The following MSI2 variants were observed in gnomAD, a reference collection of about 807,000 sequenced individuals.
MSI2 encodes the protein RNA-binding protein Musashi homolog 2.
Under a neutral mutation model 45.6 loss-of-function variants are expected in MSI2, and 17 were observed. The ratio of observed to expected loss-of-function variants is 0.37; its 90% CI spans 0.26 to 0.56. The LOEUF is 0.56. MSI2 is among the 20% of genes least tolerant of loss of function. MSI2 has a pLI of 0.77. For missense variants in MSI2, 293 were observed against 444.2 expected (o/e 0.66, Z 3.06); for synonymous variants, 156 against 158.2 (o/e 0.99, Z 0.11).
At position 57,526,501 on chromosome 17, in the gene MSI2, C is replaced by G. The variant is rs76206483; in HGVS notation, c.406-3175C>G. ...TGAATACCAGTTACCTTAACTGTGC[C>G]CCTTATTTTCCCTTGACTCACACAA... On this transcript the variant is annotated intron_variant, in intron 6 of 13. Transcript: ENST00000284073. Among the ~76,000 whole-genome samples, 684 of 151,762 alleles carry G rather than the reference C, an allele frequency of 4.5e-3. 10 individuals carry two copies. Among genetic ancestry groups the G allele is most frequent in the African/African-American group, 0.016 (654 of 41,352 alleles).
chr17:57,628,269 G>A (rs1237283253), intron 10 of MSI2: 1 of 152,202 alleles, frequency 6.6e-6, no homozygotes, highest in Admixed American at 6.5e-5. Context: ...TGGAGGTCTG[G>A]GAGTGTCAGG....
rs528967929 is a variant in MSI2, at chr17:57,285,815, G to A, written c.312+23623G>A. On this transcript the variant is annotated intron_variant, in intron 5 of 13. Coordinates refer to ENST00000284073, the MANE Select transcript of MSI2 (RefSeq NM_138962.4). Reference sequence around the variant, plus strand: ...GAAATGTTTTCTTTTCTCCTTGCCCGTCAGTTAGCCAAGCCTCCTACCACT... The same window carrying A: ...GAAATGTTTTCTTTTCTCCTTGCCCATCAGTTAGCCAAGCCTCCTACCACT... 29 of 1,387,186 alleles carry A rather than the reference G, an allele frequency of 2.1e-5. No individual in the cohort carries two copies. In the African/African-American group the frequency reaches 2.5e-4, roughly 12 times the overall value. The allele number at this position is 1,387,186 out of a possible 1,614,324, so 85.9% of individuals were successfully genotyped here.
intron 7 of MSI2, among the ~76,000 whole-genome samples, chr17:57,566,747 C>T (rs577040944): frequency 6.0e-4 from 92 of 152,246 alleles, no homozygotes; most frequent in African/African-American, 1.9e-3. Context: ...TGGGCTTGCC[C>T]GAGAGACTGC....
At chr17:57,278,449 C>T (rs1172811477) in intron 5 of MSI2, 1 of 152,290 alleles carries the variant, frequency 6.6e-6, no homozygotes, top group Non-Finnish European at 1.5e-5. Context: ...AGGACCAATC[C>T]CCAAGGGACA....
intron 12 of MSI2, 129 bp downstream of exon 12, chr17:57,675,255 A>C: frequency 2.2e-6 from 2 of 897,872 alleles, no homozygotes; most frequent in African/African-American, 1.7e-5. Flanking sequence ...TCAACATCAC[A>C]CCAGCTCCTG....
intron 5 of MSI2, among the ~76,000 whole-genome samples, chr17:57,317,952 C>A (rs545853695): frequency 6.6e-6 from 1 of 152,044 alleles, no homozygotes. Context: ...AGTTTGAGAC[C>A]AGCCTGGCCA....
At chr17:57,579,099 G>A (rs1020771500) in intron 7 of MSI2, among the ~76,000 whole-genome samples, 2 of 152,200 alleles carry the variant, frequency 1.3e-5, no homozygotes, top group African/African-American at 4.8e-5. Context: ...AGAGCATATG[G>A]TATGTGATTA....
At chr17:57,497,313 C>T (rs1158022621) in intron 6 of MSI2, among the ~76,000 whole-genome samples, 2 of 152,198 alleles carry the variant, frequency 1.3e-5, no homozygotes, top group Non-Finnish European at 2.9e-5. Flanking sequence ...TTCTGCCAGA[C>T]TTGTTTTCTG....
chr17:57,541,730 CT>C (rs1032828871), intron 7 of MSI2, among the ~76,000 whole-genome samples: 1 of 152,188 alleles, frequency 6.6e-6, no homozygotes, highest in Non-Finnish European at 1.5e-5. Flanking sequence ...TCTTAATCCC[CT>C]GGTTTGGTTG....
At chr17:57,327,534 GA>G (rs1913899723) in intron 5 of MSI2, among the ~76,000 whole-genome samples, 1 of 152,206 alleles carries the variant, frequency 6.6e-6, no homozygotes, top group South Asian at 2.1e-4. Context: ...CAAACTTTTA[GA>G]ACACAAGAAG....
chr17:57,357,678 A>G (rs1308100995), intron 5 of MSI2, among the ~76,000 whole-genome samples: 1 of 152,200 alleles, frequency 6.6e-6, no homozygotes, highest in Non-Finnish European at 1.5e-5. Flanking sequence ...AGGTGAAATC[A>G]TGACCTGCCC....
rs557366089 is a variant in MSI2 at position 57,532,528 on chromosome 17, T to A, written c.454+2804T>A. ...GAACATTGAAGAGAGTGAAAAAAAA[T>A]TTTTGTTTTTCAAAAAGAAGAACAT... On this transcript the variant is annotated intron_variant, in intron 7 of 13. Coordinates refer to ENST00000284073, the MANE Select transcript of MSI2 (RefSeq NM_138962.4). 2.0e-4 allele frequency among the ~76,000 whole-genome samples: 30 copies of A among 152,178 alleles called. 1 individual carries two copies. Among genetic ancestry groups the A allele is most frequent in the Middle Eastern group, 3.4e-3 (1 of 294 alleles).
intron 7 of MSI2, among the ~76,000 whole-genome samples, chr17:57,534,125 G>A (rs1409162268): frequency 6.6e-6 from 1 of 152,228 alleles, no homozygotes; most frequent in Non-Finnish European, 1.5e-5. Context: ...TAGGTGAACC[G>A]AGCTGCCCAG....
intron 6 of MSI2, among the ~76,000 whole-genome samples, chr17:57,498,289 A>G (rs2086021316): frequency 6.6e-6 from 1 of 152,242 alleles, no homozygotes; most frequent in Non-Finnish European, 1.5e-5. Flanking sequence ...TCCCAGTCCT[A>G]TCCAGGAGTA....
intron 5 of MSI2, chr17:57,266,875 GTAGCAGGGCTGAGC>G (rs1173602166): frequency 1.3e-5 from 2 of 152,258 alleles, no homozygotes; most frequent in Non-Finnish European, 2.9e-5. Context: ...CACTTAGGTT[GTAGCAGGGCTGAGC>G]TAGCAGTCAG....
chr17:57,420,421 C>T (rs1017740496), intron 6 of MSI2, among the ~76,000 whole-genome samples: 2 of 152,206 alleles, frequency 1.3e-5, no homozygotes, highest in Non-Finnish European at 1.5e-5. Flanking sequence ...TCTGAGTCAG[C>T]ATGACATGGT....
chr17:57,484,102 A>C (rs940882592), intron 6 of MSI2, among the ~76,000 whole-genome samples: 17 of 152,218 alleles, frequency 1.1e-4, no homozygotes, highest in African/African-American at 3.9e-4. Flanking sequence ...GTTTGGCTGC[A>C]GAGCCCTTGT....
intron 6 of MSI2, among the ~76,000 whole-genome samples, chr17:57,427,615 C>A (rs1598257909): frequency 6.6e-6 from 1 of 152,108 alleles, no homozygotes; most frequent in Non-Finnish European, 1.5e-5. Flanking sequence ...GTGTCAGACA[C>A]ACTTTACATA....
chr17:57,683,631 A>G lies in MSI2; in HGVS notation c.*4114A>G. On this transcript the variant is annotated 3_prime_UTR_variant, in exon 14 of 14. Transcript: ENST00000284073. The surrounding 1 kb of genome is among the most constrained non-coding windows in gnomAD (Gnocchi z 5.2). ...CTTCTCTTTATTGGTTGCAAGTGGC[A>G]CGCAGGAACAGAGGGAGAGTGGGGG... 4.4e-6 allele frequency: 1 copy of G among 229,472 alleles called. No homozygotes were observed. The highest frequency in any genetic ancestry group is 8.6e-6 in the Non-Finnish European group (1 of 115,760). 14.2% of individuals were successfully genotyped at this position (229,472 alleles called of 1,614,324 possible). A position where few individuals can be genotyped will look rare whatever the true frequency, so the allele number is the denominator to read the frequency against.
Sources: gnomAD v4.1 joint callset for allele counts (sites outside exome capture counted in the v4.1 genomes callset) on GRCh38, gnomAD v4.1.1 for gene constraint, Gnocchi (gnomAD v3.1) non-coding constraint, MANE v1.5 for transcripts, NCBI Gene and HGNC (gene_info 2026-07-23, HGNC 2026-07-21) for gene names.